Variants in IFT140 observed in about 807,000 individuals in gnomAD.
The protein encoded by IFT140 is intraflagellar transport protein 140 homolog.
A neutral mutation model predicts 164.6 loss-of-function variants in IFT140; 133 were observed. The ratio of observed to expected loss-of-function variants is 0.81; its 90% CI spans 0.70 to 0.93. IFT140 has a LOEUF of 0.93. Among genes scored for constraint, IFT140 ranks in the 40% least tolerant of loss-of-function variants. The pLI is 0.00. For missense variants in IFT140, 2,045 were observed against 1,972.3 expected (o/e 1.04, Z -0.70); for synonymous variants, 860 against 817.3 (o/e 1.05, Z -0.89).
At chr16:1,511,206 C>G (rs2040136677) in intron 30 of IFT140, 56 bp from the exon 31 acceptor site, 1 of 1,483,506 alleles carries the variant, frequency 6.7e-7, no homozygotes. Flanking sequence ...GCACGACCCT[C>G]TGCCTGCAGG....
chr16:1,541,324 C>G (rs1468808097), intron 19 of IFT140: 2 of 985,168 alleles, frequency 2.0e-6, no homozygotes, highest in Non-Finnish European at 2.4e-6. Context: ...ATGTCTGACC[C>G]CTGCTCAGCC....
At chr16:1,528,587 A>T in intron 19 of IFT140, 1 of 154,966 alleles carries the variant, frequency 6.5e-6, no homozygotes. Flanking sequence ...GTACTCCCAC[A>T]AGCACAGGCA....
In IFT140 at chr16:1,533,132, C is replaced by T. The variant is rs1433352881; in HGVS notation, c.2400-6336G>A. Reference sequence around the variant, plus strand: ...AGGCCCTCCAAGTACAGGTCCCTGGCCCCGAGGTCCTCCAAGTACAGGTCC... The same window carrying T: ...AGGCCCTCCAAGTACAGGTCCCTGGTCCCGAGGTCCTCCAAGTACAGGTCC... On this transcript the variant is annotated intron_variant, in intron 19 of 30. Transcript: ENST00000426508. This position sits in a 1 kb window ranked among gnomAD's most constrained non-coding sequence, Gnocchi z 4.7. 1.3e-5 allele frequency: 2 copies of T among 152,618 alleles called. No individual in the cohort carries two copies. The highest frequency in any genetic ancestry group is 2.9e-5 in the Non-Finnish European group (2 of 68,404). 9.5% of individuals were successfully genotyped at this position (152,618 alleles called of 1,614,324 possible). A position where few individuals can be genotyped will look rare whatever the true frequency, so the allele number is the denominator to read the frequency against.
chr16:1,519,529 A>C (rs2040457528), intron 29 of IFT140, among the ~76,000 whole-genome samples: 1 of 151,824 alleles, frequency 6.6e-6, no homozygotes, highest in African/African-American at 2.4e-5. Flanking sequence ...CCCCAACCCC[A>C]GGTCACACAG....
intron 4 of IFT140, among the ~76,000 whole-genome samples, chr16:1,597,721 C>T (rs1306191288): frequency 1.3e-5 from 2 of 152,224 alleles, no homozygotes; most frequent in East Asian, 1.9e-4. Flanking sequence ...TTCTGACTCA[C>T]AAGACTTGAT....
chr16:1,511,347 C>T (rs746696102), intron 30 of IFT140, among the ~76,000 whole-genome samples, 197 bp from the exon 31 acceptor site: 12 of 152,212 alleles, frequency 7.9e-5, no homozygotes, highest in Non-Finnish European at 1.3e-4. Flanking sequence ...GCGGACCGCA[C>T]ACATGCCATG....
intron 24 of IFT140, 35 bp downstream of exon 24, chr16:1,524,517 A>T: frequency 6.2e-7 from 1 of 1,607,756 alleles, no homozygotes. Context: ...GGGGACCTCG[A>T]GAAGCGCCGG....
intron 19 of IFT140, among the ~76,000 whole-genome samples, chr16:1,529,216 C>T (rs1175995267): frequency 6.6e-6 from 1 of 152,222 alleles, no homozygotes; most frequent in Non-Finnish European, 1.5e-5. Context: ...TGTGTCTTAG[C>T]AGCAACCAAC....
chr16:1,558,231 GAA>G, intron 18 of IFT140, 97 bp from the exon 19 acceptor site: 42 of 1,189,162 alleles, frequency 3.5e-5, no homozygotes, highest in Non-Finnish European at 4.8e-5. Context: ...TTATGGGGGA[GAA>G]ATCCCTCTGC....
intron 10 of IFT140, 76 bp downstream of exon 10, chr16:1,586,054 A>T: frequency 6.4e-7 from 1 of 1,570,066 alleles, no homozygotes; most frequent in East Asian, 2.2e-5. Context: ...TACAGGCGTG[A>T]GCCACCGCGC....
chr16:1,545,320 C>T (rs2032077341), intron 19 of IFT140, among the ~76,000 whole-genome samples: 1 of 152,106 alleles, frequency 6.6e-6, no homozygotes, highest in Non-Finnish European at 1.5e-5. Flanking sequence ...CCAAGAGGGC[C>T]CCTGGTGTCT....
Position 1,541,676 on chromosome 16 carries a change from C to T in IFT140, c.2400-14880G>A, listed in dbSNP as rs550106345. On this transcript the variant is annotated intron_variant, in intron 19 of 30. Coordinates refer to ENST00000426508, the MANE Select transcript of IFT140 (RefSeq NM_014714.4). ...AGTAGGGCCCGTCCCTGCAGGGATA[C>T]GACCACTGCAGCCAGGCCCGGCGGC... is the stretch of plus-strand genomic sequence containing the variant. Among the ~76,000 whole-genome samples, 5 of 152,212 alleles carry T rather than the reference C, an allele frequency of 3.3e-5. No homozygotes were observed. The East Asian group carries it at 5.8e-4, about 18-fold the overall frequency.
At chr16:1,593,052 G>C (rs2035274377) in intron 4 of IFT140, among the ~76,000 whole-genome samples, 1 of 150,066 alleles carries the variant, frequency 6.7e-6, no homozygotes, top group Non-Finnish European at 1.5e-5. Flanking sequence ...GACTGGTGGT[G>C]GGACAGGTGT....
intron 21 of IFT140, among the ~76,000 whole-genome samples, 192 bp from the exon 22 acceptor site, chr16:1,525,518 C>A (rs1334028606): frequency 1.3e-5 from 2 of 152,024 alleles, no homozygotes; most frequent in African/African-American, 2.4e-5. Flanking sequence ...ACTGTGGGGG[C>A]CCGGGAGGCG....
At chr16:1,557,753 T>C in intron 19 of IFT140, 182 bp downstream of exon 19, 4 of 634,164 alleles carry the variant, frequency 6.3e-6, no homozygotes, top group East Asian at 2.7e-5. Flanking sequence ...GGCTGAGAGC[T>C]TCCCACGTGG....
chr16:1,527,694 C>G (rs566168422), intron 19 of IFT140, among the ~76,000 whole-genome samples: 6 of 152,332 alleles, frequency 3.9e-5, no homozygotes, highest in African/African-American at 1.4e-4. Context: ...ACCTCAGCCT[C>G]CCAAATAGCT....
At chr16:1,524,038 C>T in intron 24 of IFT140, 82 bp from the exon 25 acceptor site, 26 of 1,524,886 alleles carry the variant, frequency 1.7e-5, no homozygotes, top group Middle Eastern at 1.9e-4. Context: ...TGGCCGGGTG[C>T]GAACCCGCCC....
In IFT140 at chr16:1,553,228, C is replaced by G. The variant is rs2032818295; in HGVS notation, c.2399+4707G>C. On this transcript the variant is annotated intron_variant, in intron 19 of 30. Coordinates refer to ENST00000426508, the MANE Select transcript of IFT140 (RefSeq NM_014714.4). The surrounding 1 kb of genome is among the most constrained non-coding windows in gnomAD (Gnocchi z 4.4). ...TGTCTCTGTCTCTCTCTGTCTCCAT[C>G]TGTCTCTGTGTCTGTCTCTGTCTCT... The G allele has an allele frequency of 2.0e-6, 2 of 978,380 alleles. No individual in the cohort carries two copies. The highest frequency in any genetic ancestry group is 9.5e-5 in the South Asian group (2 of 21,116). The allele number at this position is 978,380 out of a possible 1,614,324, so 60.6% of individuals were successfully genotyped here. A position where few individuals can be genotyped will look rare whatever the true frequency, so the allele number is the denominator to read the frequency against.
rs75276217 is a variant in IFT140, at chr16:1,604,318, G to T, written c.148-1727C>A. 9.9e-3 allele frequency: 660 copies of T among 66,990 alleles called. 14 individuals are homozygous for T. The highest frequency in any genetic ancestry group is 0.026 in the East Asian group (54 of 2,094). 4.1% of individuals were successfully genotyped at this position (66,990 alleles called of 1,614,324 possible). On this transcript the variant is annotated intron_variant, in intron 3 of 30. Coordinates refer to ENST00000426508, the MANE Select transcript of IFT140 (RefSeq NM_014714.4). ...GTGTGTGTGTGTGTGTGTGTGTGTG[G>T]AGGGGGGAGCAGTTCCTAAGGGGCC... is the stretch of plus-strand genomic sequence containing the variant.
Sources: gnomAD v4.1 joint callset for allele counts (sites outside exome capture counted in the v4.1 genomes callset) on GRCh38, gnomAD v4.1.1 for gene constraint, Gnocchi (gnomAD v3.1) non-coding constraint, MANE v1.5 for transcripts, NCBI Gene and HGNC (gene_info 2026-07-23, HGNC 2026-07-21) for gene names.